PANK2: variants seen among roughly 807,000 people sequenced by gnomAD.
The protein encoded by PANK2 is pantothenate kinase 2, mitochondrial.
In PANK2, 36 loss-of-function variants were observed where a neutral mutation model predicts 43.1. The ratio of observed to expected loss-of-function variants is 0.84; its 90% CI spans 0.64 to 1.10. The LOEUF is 1.10. PANK2 is among the 50% of genes least tolerant of loss of function. The pLI, the probability that PANK2 is intolerant of heterozygous loss-of-function variation, is 0.00. For synonymous variants in PANK2, 281 were observed against 238.2 expected (o/e 1.18, Z -1.66); for missense variants, 576 against 593.3 (o/e 0.97, Z 0.30).
chr20:3,921,870 C>G (rs1796917443), intron 6 of PANK2: 1 of 152,182 alleles, frequency 6.6e-6, no homozygotes, highest in South Asian at 2.1e-4. Flanking sequence ...GCCACCGCAC[C>G]TGGCTAATTT....
chr20:3,894,485 C>T (rs1198755198), intron 1 of PANK2, among the ~76,000 whole-genome samples: 1 of 144,672 alleles, frequency 6.9e-6, no homozygotes, highest in Non-Finnish European at 1.5e-5. Context: ...GGTGATCTGC[C>T]CACCTCAGCC....
chr20:3,912,692 C>T (rs1171516076), intron 4 of PANK2, 58 bp downstream of exon 4: 4 of 1,591,670 alleles, frequency 2.5e-6, no homozygotes, highest in Non-Finnish European at 3.4e-6. Flanking sequence ...TGGCTCATGC[C>T]TTTAATCCCA....
chr20:3,916,824 T>C, intron 4 of PANK2, 103 bp from the exon 5 acceptor site: 4 of 1,509,098 alleles, frequency 2.7e-6, no homozygotes, highest in Non-Finnish European at 3.6e-6. Context: ...ATTTCAACAA[T>C]GTTGCCCTAA....
intron 6 of PANK2, 83 bp downstream of exon 6, chr20:3,918,879 G>A: frequency 6.2e-7 from 1 of 1,603,926 alleles, no homozygotes; most frequent in Middle Eastern, 1.7e-4. Flanking sequence ...GGTAGAGGGT[G>A]GAGGTGAAAT....
Position 3,928,183 on chromosome 20 carries a change from GAA to G in PANK2, c.*4892_*4893del, listed in dbSNP as rs2090754940. The G allele has an allele frequency of 6.6e-6, 1 of 152,190 alleles. No individual in the cohort carries two copies. The highest frequency in any genetic ancestry group is 1.5e-5 in the Non-Finnish European group (1 of 68,054). 9.4% of individuals were successfully genotyped at this position (152,190 alleles called of 1,614,324 possible). A position where few individuals can be genotyped will look rare whatever the true frequency, so the allele number is the denominator to read the frequency against. On this transcript the variant is annotated 3_prime_UTR_variant, in exon 7 of 7. Transcript: ENST00000610179. Reference sequence around the variant, plus strand: ...CTTAAGAAATCTGTAACAGCTACAGGAAAAGACACACCCAGGGCCAGAGATTC... The same window carrying G: ...CTTAAGAAATCTGTAACAGCTACAGGAAGACACACCCAGGGCCAGAGATTC...
intron 1 of PANK2, among the ~76,000 whole-genome samples, chr20:3,893,753 T>C (rs1393407836): frequency 6.6e-6 from 1 of 152,118 alleles, no homozygotes; most frequent in Non-Finnish European, 1.5e-5. Context: ...AGCGTTGCTG[T>C]TGGCAGTATG....
chr20:3,921,283 G>T (rs1023641500), intron 6 of PANK2: 3 of 151,084 alleles, frequency 2.0e-5, no homozygotes, highest in African/African-American at 7.3e-5. Context: ...TCAGAACTTT[G>T]ATTATTTTAG....
At position 3,889,653 on chromosome 20, in the gene PANK2, G is replaced by C; in HGVS notation, c.223G>C (p.Asp75His). The C allele has an allele frequency of 6.3e-7, 1 of 1,586,776 alleles. No individual in the cohort carries two copies. Among genetic ancestry groups the C allele is most frequent in the Non-Finnish European group, 8.5e-7 (1 of 1,174,962 alleles). ...GGCCTCGGCTGAGGGCACGAGGCGG[G>C]ATCGACTGGGCTCTTACAGCGGCCC... is the stretch of plus-strand genomic sequence containing the variant. The change falls in exon 1 of 7, where the codon GAT becomes CAT. Residue 75 changes from aspartate to histidine, a missense_variant. By Grantham distance (81) the Asp-to-His change is moderately conservative (BLOSUM62 -1). Transcript: ENST00000610179.
chr20:3,923,152 C>A, intron 6 of PANK2, 92 bp from the exon 7 acceptor site: 1 of 1,387,420 alleles, frequency 7.2e-7, no homozygotes, highest in Non-Finnish European at 1.0e-6. Flanking sequence ...TGTGTGTGGG[C>A]AGTGGTTGGC....
Position 3,908,147 on chromosome 20 carries a change from T to C in PANK2, c.520T>C (p.Phe174Leu). The C allele has an allele frequency of 6.2e-7, 1 of 1,614,210 alleles. No individual in the cohort carries two copies. Residue 174 changes from phenylalanine (F) to leucine (L), a missense_variant, in exon 2 of 7, where the codon TTT becomes CTT. Phe to Leu is a conservative substitution (Grantham distance 22, BLOSUM62 0). Around this residue, in one of 2 missense-constraint regions of PANK2, gnomAD observed 544 missense variants for 528.9 expected, o/e 1.03. Coordinates refer to ENST00000610179, the MANE Select transcript of PANK2 (RefSeq NM_001386393.1). ...GTGTGGACGCAAAGGCAATCTGCAC[T>C]TTATACGCTTTCCCACTCATGACAT...
intron 6 of PANK2, among the ~76,000 whole-genome samples, chr20:3,919,886 G>C (rs546827803): frequency 6.6e-6 from 1 of 152,292 alleles, no homozygotes; most frequent in East Asian, 1.9e-4. Context: ...TTCCTTTAAA[G>C]TTACTTTAAG....
At chr20:3,906,954 A>G (rs2090396673) in intron 1 of PANK2, among the ~76,000 whole-genome samples, 1 of 152,030 alleles carries the variant, frequency 6.6e-6, no homozygotes, top group African/African-American at 2.4e-5. Flanking sequence ...GCACGCCACC[A>G]CAGCCAGCTG....
At chr20:3,888,915 G>C, upstream of PANK2, 2 of 573,990 alleles carry the variant, frequency 3.5e-6, no homozygotes, top group African/African-American at 1.9e-5. Context: ...GTCAGCCGCG[G>C]TTCAAGCCCT....
chr20:3,918,493 C>T (rs761331193), intron 5 of PANK2, among the ~76,000 whole-genome samples, 178 bp from the exon 6 acceptor site: 2 of 152,064 alleles, frequency 1.3e-5, no homozygotes, highest in African/African-American at 2.4e-5. Flanking sequence ...GCATGCTTTG[C>T]AGTGGGTCCA....
chr20:3,893,596 C>T (rs2090157465), intron 1 of PANK2, among the ~76,000 whole-genome samples: 2 of 152,102 alleles, frequency 1.3e-5, no homozygotes, highest in Non-Finnish European at 2.9e-5. Flanking sequence ...GAAGATGACT[C>T]GCAAGGCATG....
At chr20:3,915,239 ATTTTC>A (rs1034775719) in intron 4 of PANK2, among the ~76,000 whole-genome samples, 3 of 36,084 alleles carry the variant, frequency 8.3e-5, no homozygotes, top group Admixed American at 9.1e-4. Flanking sequence ...AGAATTGTTT[ATTTTC>A]TTTTAAGAGT....
intron 2 of PANK2, among the ~76,000 whole-genome samples, chr20:3,909,953 C>T (rs1457387695): frequency 3.3e-5 from 5 of 152,084 alleles, no homozygotes; most frequent in African/African-American, 1.2e-4. Flanking sequence ...TTTAGTCATT[C>T]CTTTATTATT....
At chr20:3,891,796 G>C (rs1272576518) in intron 1 of PANK2, among the ~76,000 whole-genome samples, 8 of 152,140 alleles carry the variant, frequency 5.3e-5, no homozygotes, top group Admixed American at 5.2e-4. Context: ...CACTGGGTGG[G>C]GAGAATTATA....
chr20:3,908,407 G>A, intron 2 of PANK2, 129 bp downstream of exon 2: 1 of 942,320 alleles, frequency 1.1e-6, no homozygotes, highest in South Asian at 1.6e-5. Flanking sequence ...GAAGATTAAA[G>A]GTACGCTAGT....
Sources: allele counts gnomAD v4.1 joint callset (sites outside exome capture counted in the v4.1 genomes callset), GRCh38; gene constraint gnomAD v4.1.1; regional missense constraint gnomAD v4.1.1; transcripts MANE v1.5; gene names NCBI Gene and HGNC (gene_info 2026-07-23, HGNC 2026-07-21).